Variants in PIH1D2 observed in about 807,000 individuals in gnomAD.
PIH1D2 encodes the protein PIH1 domain containing 2.
PIH1D2 carries 25 observed loss-of-function variants against 31.2 expected under a neutral mutation model. The ratio of observed to expected loss-of-function variants is 0.80; its 90% CI spans 0.58 to 1.12. The LOEUF (loss-of-function observed/expected upper bound fraction) is 1.12. Among genes scored for constraint, PIH1D2 ranks in the 50% most tolerant of loss-of-function variants. PIH1D2 has a pLI of 0.00. For missense variants in PIH1D2, 310 were observed against 356.6 expected, an observed-to-expected ratio of 0.87 and a Z score of 1.05; for synonymous variants, 116 against 119.9, an observed-to-expected ratio of 0.97 and a Z score of 0.21.
downstream of PIH1D2, chr11:112,061,556 G>A: frequency 4.9e-6 from 1 of 204,458 alleles, no homozygotes; most frequent in South Asian, 7.8e-5. Context: ...AACCATACCT[G>A]TTTTTGAGTA....
At chr11:112,058,224 G>T (rs1324240330), downstream of PIH1D2, among the ~76,000 whole-genome samples, 2 of 152,142 alleles carry the variant, frequency 1.3e-5, no homozygotes, top group Non-Finnish European at 2.9e-5. Flanking sequence ...TGTCCTTACT[G>T]TCTCAAAGGG....
chr11:112,070,943 C>T (rs917881160), intron 4 of PIH1D2, 95 bp downstream of exon 4: 60 of 1,384,072 alleles, frequency 4.3e-5, no homozygotes, highest in Non-Finnish European at 5.5e-5. Flanking sequence ...AAGTTTTTCA[C>T]CTTTTAAAAT....
At chr11:112,059,292 G>A (rs1864364364), downstream of PIH1D2, among the ~76,000 whole-genome samples, 1 of 152,010 alleles carries the variant, frequency 6.6e-6, no homozygotes, top group African/African-American at 2.4e-5. Flanking sequence ...CAAGGCAGAC[G>A]GCAGGGGATG....
chr11:112,061,011 ATTTATT>A (rs1555183191), downstream of PIH1D2: 2 of 1,537,836 alleles, frequency 1.3e-6, no homozygotes, highest in Non-Finnish European at 1.8e-6. Flanking sequence ...ACAAACTATA[ATTTATT>A]TTTAATTTTT....
downstream of PIH1D2, among the ~76,000 whole-genome samples, chr11:112,060,520 T>G (rs1223846852): frequency 6.6e-6 from 1 of 152,074 alleles, no homozygotes; most frequent in African/African-American, 2.4e-5. Flanking sequence ...AATGGTGCAA[T>G]CTTGGCTCAC....
downstream of PIH1D2, chr11:112,062,935 TGAGA>T (rs1864723692): frequency 2.8e-5 from 5 of 175,818 alleles, no homozygotes; most frequent in Admixed American, 2.8e-4. Context: ...TCCTTAGATG[TGAGA>T]GAAAGAGAAA....
downstream of PIH1D2, among the ~76,000 whole-genome samples, chr11:112,066,501 G>T (rs1046053095): frequency 1.3e-5 from 2 of 151,896 alleles, no homozygotes; most frequent in African/African-American, 4.8e-5. Context: ...AGCTAGGGGC[G>T]GTTGCGGGCG....
rs1392320760 is a variant in PIH1D2, at chr11:112,070,569, T to C, written c.680A>G (p.Gln227Arg). The change falls in exon 5 of 6, where the codon CAG (glutamine) becomes CGG (arginine). Residue 227 changes from glutamine (Q) to arginine (R), a missense_variant. Physicochemically the swap from Gln to Arg is conservative, Grantham distance 43. Transcript: ENST00000280350. ...ATAGGCTGGCATCTTCATCTCCACC[T>C]GGATTTCAGTACTGGAAATCTCTTC... Reference protein sequence around the residue: ...LIEEISSTEIQVEMKMPAYEL... With the variant: ...LIEEISSTEIRVEMKMPAYEL... The C allele has an allele frequency of 6.2e-7, 1 of 1,614,096 alleles. No individual in the cohort carries two copies. Among genetic ancestry groups the C allele is most frequent in the African/African-American group, 1.3e-5 (1 of 74,952 alleles).
downstream of PIH1D2, among the ~76,000 whole-genome samples, chr11:112,058,616 AGGGGGGGGTG>A (rs1864274722): frequency 1.7e-5 from 1 of 59,014 alleles, no homozygotes; most frequent in South Asian, 9.3e-4. Context: ...GGGTGGGGGA[AGGGGGGGGTG>A]GGGGGGGGGA....
At chr11:112,060,220 G>A (rs1262983147), downstream of PIH1D2, among the ~76,000 whole-genome samples, 3 of 140,514 alleles carry the variant, frequency 2.1e-5, no homozygotes, top group African/African-American at 8.2e-5. Context: ...GGAGTGCAGT[G>A]GCATGATCTC....
intron 2 of PIH1D2, 113 bp downstream of exon 2, chr11:112,072,885 A>AAC: frequency 2.0e-6 from 2 of 980,150 alleles, no homozygotes; most frequent in Non-Finnish European, 2.7e-6. Flanking sequence ...AAAACAAAAC[A>AAC]AAACAAAAAA....
intron 3 of PIH1D2, 123 bp from the exon 4 acceptor site, chr11:112,071,406 A>G (rs183291834): frequency 2.2e-6 from 3 of 1,353,280 alleles, no homozygotes; most frequent in Non-Finnish European, 3.0e-6. Context: ...TTTCAGAGGT[A>G]ATCACAGTAG....
chr11:112,056,692 G>A, the PIH1D2 span, among the ~76,000 whole-genome samples: 2 of 152,194 alleles, frequency 1.3e-5, no homozygotes, highest in South Asian at 4.1e-4. Context: ...AGATTCCTAG[G>A]AGTGGAATAC....
chr11:112,071,784 C>G (rs1555184713), intron 2 of PIH1D2, 26 bp from the exon 3 acceptor site: 1 of 1,613,030 alleles, frequency 6.2e-7, no homozygotes, highest in Admixed American at 1.7e-5. Context: ...TTTTGCACAT[C>G]TCAAAACCTA....
the PIH1D2 span, among the ~76,000 whole-genome samples, chr11:112,052,702 G>A: frequency 3.9e-5 from 6 of 152,002 alleles, no homozygotes; most frequent in African/African-American, 1.4e-4. Context: ...GGAGAAAAAG[G>A]AAAGGAAGAA....
At chr11:112,066,041 A>G (rs1003632171), downstream of PIH1D2, among the ~76,000 whole-genome samples, 3 of 152,176 alleles carry the variant, frequency 2.0e-5, no homozygotes, top group African/African-American at 4.8e-5. Flanking sequence ...TGTATCAGTT[A>G]TTTCTGTTAT....
downstream of PIH1D2, chr11:112,062,738 G>A (rs1864714583): frequency 3.4e-6 from 2 of 582,828 alleles, no homozygotes; most frequent in South Asian, 4.0e-5. Flanking sequence ...TTAATAATCA[G>A]ACACCAGATT....
intron 5 of PIH1D2, among the ~76,000 whole-genome samples, chr11:112,069,228 C>T (rs1865037522): frequency 6.6e-6 from 1 of 151,762 alleles, no homozygotes; most frequent in South Asian, 2.1e-4. Flanking sequence ...GTCTCGAACC[C>T]CTGAGCTCAG....
downstream of PIH1D2, chr11:112,064,102 T>TA: frequency 7.6e-7 from 1 of 1,314,818 alleles, no homozygotes; most frequent in Non-Finnish European, 1.0e-6. Flanking sequence ...GGTTGAAGAT[T>TA]ATCCAAAAGA....
Sources: gnomAD v4.1 joint callset for allele counts (sites outside exome capture counted in the v4.1 genomes callset) on GRCh38, gnomAD v4.1.1 for gene constraint, MANE v1.5 for transcripts, NCBI Gene and HGNC (gene_info 2026-07-23, HGNC 2026-07-21) for gene names.